Variants in TBC1D4 observed in about 807,000 individuals in gnomAD.
TBC1D4 encodes TBC (Tre-2, BUB2, CDC16) domain-containing protein.
A neutral mutation model predicts 142.5 loss-of-function variants in TBC1D4; 121 were observed. The ratio of observed to expected loss-of-function variants is 0.85; its 90% CI spans 0.73 to 0.99. TBC1D4 has a LOEUF of 0.99. TBC1D4 is among the 50% of genes least tolerant of loss of function. The pLI is 0.00. For synonymous variants in TBC1D4, 630 were observed against 628.2 expected (o/e 1.00, Z -0.04); for missense variants, 1,475 against 1,606.6 (o/e 0.92, Z 1.40).
chr13:75,334,423 T>G (rs971636177), intron 8 of TBC1D4, among the ~76,000 whole-genome samples: 5 of 151,884 alleles, frequency 3.3e-5, no homozygotes, highest in Non-Finnish European at 4.4e-5. Flanking sequence ...ATGTTTACAT[T>G]TACATTTTTT....
intron 1 of TBC1D4, among the ~76,000 whole-genome samples, chr13:75,368,273 T>C (rs2138198742): frequency 6.6e-6 from 1 of 152,270 alleles, no homozygotes; most frequent in Admixed American, 6.5e-5. Context: ...CAATAAACTG[T>C]TAACATCAAA....
rs759301357 is a variant in TBC1D4, at chr13:75,362,139, G to T, written c.967C>A (p.Gln323Lys). 1.8e-5 allele frequency: 29 copies of T among 1,613,480 alleles called. No homozygotes were observed. Among genetic ancestry groups the T allele is most frequent in the Non-Finnish European group, 2.3e-5 (27 of 1,180,006 alleles). ...RSRCSSVTGV[Q>K]RRVHEGSQKS... The stretch of plus-strand genomic sequence containing the variant: ...TGGCTGCCCTCGTGAACTCTCCGTT[G>T]CACGCCGGTGACACTGCTGCACCGA... The change falls in exon 2 of 21, where the codon CAA (glutamine) becomes AAA (lysine). Residue 323 changes from glutamine to lysine, a missense_variant. This residue lies in a region of TBC1D4 where 1,227 missense variants were observed against 1,267.7 expected (regional missense o/e 0.97). Coordinates refer to ENST00000377636, the MANE Select transcript of TBC1D4 (RefSeq NM_014832.5). This position sits in a 1 kb window ranked among gnomAD's most constrained non-coding sequence, Gnocchi z 4.2.
At chr13:75,475,991 C>T (rs1888615987) in intron 1 of TBC1D4, among the ~76,000 whole-genome samples, 1 of 152,016 alleles carries the variant, frequency 6.6e-6, no homozygotes, top group Non-Finnish European at 1.5e-5. Flanking sequence ...ACCTGTAATC[C>T]CAGCACTTTG....
chr13:75,469,736 C>T (rs1593920261), intron 1 of TBC1D4, among the ~76,000 whole-genome samples: 1 of 152,288 alleles, frequency 6.6e-6, no homozygotes, highest in South Asian at 2.1e-4. Context: ...GACTGCACCA[C>T]TGTACTCCAG....
At chr13:75,434,296 G>A (rs139788178) in intron 1 of TBC1D4, among the ~76,000 whole-genome samples, 42 of 152,162 alleles carry the variant, frequency 2.8e-4, no homozygotes, top group African/African-American at 6.0e-4. Flanking sequence ...TTAAAAGTGC[G>A]GAACATATAT....
At chr13:75,470,411 T>C (rs747202172) in intron 1 of TBC1D4, among the ~76,000 whole-genome samples, 13 of 152,158 alleles carry the variant, frequency 8.5e-5, no homozygotes, top group Non-Finnish European at 1.8e-4. Context: ...ACCTGGGAAC[T>C]GTTAGAGATG....
chr13:75,457,544 C>A (rs552810556), intron 1 of TBC1D4, among the ~76,000 whole-genome samples: 5 of 152,164 alleles, frequency 3.3e-5, no homozygotes, highest in Non-Finnish European at 7.4e-5. Context: ...ATACAGTAAA[C>A]CTTCCTTTGT....
At chr13:75,467,489 G>A (rs931103538) in intron 1 of TBC1D4, among the ~76,000 whole-genome samples, 2 of 152,162 alleles carry the variant, frequency 1.3e-5, no homozygotes, top group African/African-American at 4.8e-5. Flanking sequence ...ATTACTGTAT[G>A]AGACTCTCCT....
intron 19 of TBC1D4, among the ~76,000 whole-genome samples, chr13:75,290,381 T>G (rs529638): frequency 0.34 from 51,840 of 151,932 alleles, 10,797 homozygotes; most frequent in African/African-American, 0.59. Flanking sequence ...TAATTGTTAG[T>G]AAATTCTCTC....
chr13:75,326,528 G>T, intron 9 of TBC1D4, 105 bp from the exon 10 acceptor site: 2 of 1,220,294 alleles, frequency 1.6e-6, no homozygotes, highest in Non-Finnish European at 2.4e-6. Flanking sequence ...TTCCTCCTGA[G>T]TCATGACAAA....
At chr13:75,412,206 T>C (rs934968075) in intron 1 of TBC1D4, among the ~76,000 whole-genome samples, 3 of 152,150 alleles carry the variant, frequency 2.0e-5, no homozygotes, top group Non-Finnish European at 4.4e-5. Context: ...TGAATGATAA[T>C]CCAGTTTAAG....
chr13:75,392,229 T>G (rs1036527107), intron 1 of TBC1D4, among the ~76,000 whole-genome samples: 1 of 152,218 alleles, frequency 6.6e-6, no homozygotes, highest in Non-Finnish European at 1.5e-5. Context: ...TATTTTAAAA[T>G]GCACACAAAA....
chr13:75,289,061 T>C lies in TBC1D4; in HGVS notation c.3536A>G (p.Tyr1179Cys). The C allele has an allele frequency of 1.2e-6, 2 of 1,613,948 alleles. No homozygotes were observed. Among genetic ancestry groups the C allele is most frequent in the African/African-American group, 1.3e-5 (1 of 75,020 alleles). ...SKQLHAYEVEYHVLQDELQES... is the reference protein window; with the variant it reads ...SKQLHAYEVECHVLQDELQES... The stretch of plus-strand genomic sequence containing the variant: ...CTGAAGCTCATCCTGTAGCACATGA[T>C]ATTCCACCTCATAGGCATGCAACTG... The change falls in exon 20 of 21, where the codon TAT becomes TGT. Residue 1179 changes from tyrosine (Y) to cysteine (C), a missense_variant. Tyr to Cys is a radical substitution (Grantham distance 194). Coordinates refer to ENST00000377636, the MANE Select transcript of TBC1D4 (RefSeq NM_014832.5).
chr13:75,382,871 T>C (rs1020519766), intron 1 of TBC1D4, among the ~76,000 whole-genome samples: 4 of 152,222 alleles, frequency 2.6e-5, no homozygotes, highest in African/African-American at 9.6e-5. Flanking sequence ...ATATATACAA[T>C]TCAAATTAAT....
intron 19 of TBC1D4, among the ~76,000 whole-genome samples, chr13:75,289,653 T>G (rs1456403445): frequency 1.3e-5 from 2 of 152,178 alleles, no homozygotes; most frequent in Non-Finnish European, 1.5e-5. Context: ...CTATTCCCTG[T>G]AAGCCTCTTA....
chr13:75,434,338 A>G (rs902175713), intron 1 of TBC1D4, among the ~76,000 whole-genome samples: 6 of 151,578 alleles, frequency 4.0e-5, no homozygotes, highest in African/African-American at 1.5e-4. Flanking sequence ...ATAAAAAAGA[A>G]CAAGATCATG....
chr13:75,420,472 C>A (rs1023301336), intron 1 of TBC1D4, among the ~76,000 whole-genome samples: 1 of 152,196 alleles, frequency 6.6e-6, no homozygotes, highest in African/African-American at 2.4e-5. Context: ...ATCAACAAAT[C>A]TACGTGTATA....
chr13:75,384,399 C>A (rs749406026), intron 1 of TBC1D4, among the ~76,000 whole-genome samples: 2 of 152,084 alleles, frequency 1.3e-5, no homozygotes, highest in Non-Finnish European at 2.9e-5. Context: ...TTGCTGCACT[C>A]CAGCCTGGGC....
intron 1 of TBC1D4, among the ~76,000 whole-genome samples, chr13:75,429,976 G>C (rs1886529273): frequency 6.6e-6 from 1 of 152,180 alleles, no homozygotes; most frequent in Non-Finnish European, 1.5e-5. Flanking sequence ...TAGGAGAAGA[G>C]CTAGAGTTAG....
Sources: allele counts gnomAD v4.1 joint callset (sites outside exome capture counted in the v4.1 genomes callset), GRCh38; gene constraint gnomAD v4.1.1; regional missense constraint gnomAD v4.1.1; non-coding constraint Gnocchi (gnomAD v3.1); transcripts MANE v1.5; gene names NCBI Gene and HGNC (gene_info 2026-07-23, HGNC 2026-07-21).